Variants in TC2N observed in about 807,000 individuals in gnomAD.
The protein encoded by TC2N is tandem C2 domains, nuclear.
In TC2N, 51 loss-of-function variants were observed where a neutral mutation model predicts 61.9. The ratio of observed to expected loss-of-function variants is 0.82; its 90% CI spans 0.66 to 1.04. TC2N has a LOEUF of 1.04. Among genes scored for constraint, TC2N ranks in the 50% least tolerant of loss-of-function variants. The pLI, the probability that TC2N is intolerant of heterozygous loss-of-function variation, is 0.00. For missense variants in TC2N, 556 were observed against 566.7 expected, an observed-to-expected ratio of 0.98 and a Z score of 0.19; for synonymous variants, 204 against 192.6, an observed-to-expected ratio of 1.06 and a Z score of -0.49.
intron 1 of TC2N, among the ~76,000 whole-genome samples, chr14:91,859,926 A>G (rs12886234): frequency 0.55 from 83,883 of 152,016 alleles, 25,072 homozygotes; most frequent in Non-Finnish European, 0.65. Flanking sequence ...GGAAAGTGGT[A>G]GGAGCTGGAA....
intron 1 of TC2N, among the ~76,000 whole-genome samples, chr14:91,853,644 T>A (rs1240385370): frequency 1.1e-5 from 1 of 90,702 alleles, no homozygotes. Flanking sequence ...TTTTTTTTTT[T>A]AAAGTACACA....
chr14:91,834,052 C>G (rs529379462), intron 1 of TC2N, among the ~76,000 whole-genome samples: 1 of 152,314 alleles, frequency 6.6e-6, no homozygotes, highest in East Asian at 1.9e-4. Context: ...GTATGCCTCA[C>G]AGATTCTGCT....
At chr14:91,791,485 A>G (rs74848374) in intron 9 of TC2N, among the ~76,000 whole-genome samples, 2,257 of 152,324 alleles carry the variant, frequency 0.015, 58 homozygotes, top group African/African-American at 0.052. Flanking sequence ...TTCAATCTAT[A>G]CAATTTAATT....
At chr14:91,839,675 T>C (rs906447921) in intron 1 of TC2N, among the ~76,000 whole-genome samples, 2 of 152,238 alleles carry the variant, frequency 1.3e-5, no homozygotes, top group African/African-American at 2.4e-5. Context: ...CATGAATACA[T>C]TGGGGGTACC....
chr14:91,791,205 GAAGA>G (rs1344378195), intron 9 of TC2N, among the ~76,000 whole-genome samples: 2 of 73,506 alleles, frequency 2.7e-5, no homozygotes, highest in East Asian at 4.8e-4. Context: ...GGGGAGGGGA[GAAGA>G]GGGGAGGGGA....
At chr14:91,847,259 GA>G (rs34551265) in intron 1 of TC2N, among the ~76,000 whole-genome samples, 286 of 126,944 alleles carry the variant, frequency 2.3e-3, no homozygotes, top group African/African-American at 4.2e-3. Context: ...CTCCATCTCA[GA>G]AAAAAAAAAA....
intron 1 of TC2N, among the ~76,000 whole-genome samples, chr14:91,835,083 T>C (rs753671826): frequency 6.6e-6 from 1 of 152,240 alleles, no homozygotes; most frequent in Non-Finnish European, 1.5e-5. Flanking sequence ...ATATTAGTTT[T>C]ATTCGTAAAT....
At chr14:91,803,447 A>T (rs1040376100) in intron 3 of TC2N, among the ~76,000 whole-genome samples, 31 of 149,292 alleles carry the variant, frequency 2.1e-4, no homozygotes, top group African/African-American at 6.9e-4. Flanking sequence ...ATATAATTTT[A>T]TTTATTTATT....
chr14:91,819,449 GAC>G (rs1475199772), intron 1 of TC2N, among the ~76,000 whole-genome samples: 2 of 152,094 alleles, frequency 1.3e-5, no homozygotes, highest in African/African-American at 4.8e-5. Context: ...CCTAGAATTT[GAC>G]ACTCAGAGAA....
intron 1 of TC2N, among the ~76,000 whole-genome samples, chr14:91,848,764 C>T (rs1888317003): frequency 6.6e-6 from 1 of 152,174 alleles, no homozygotes; most frequent in Admixed American, 6.5e-5. Context: ...AGTTTCTGTA[C>T]TCTTACTCCT....
Position 91,785,156 on chromosome 14 carries a change from A to C in TC2N, c.1362+6T>G. 6.2e-7 allele frequency: 1 copy of C among 1,604,384 alleles called. No homozygotes were observed. Among genetic ancestry groups the C allele is most frequent in the Non-Finnish European group, 8.5e-7 (1 of 1,172,518 alleles). On this transcript the variant is annotated splice_donor_region_variant and intron_variant, in intron 11 of 11. Coordinates refer to ENST00000435962, the MANE Select transcript of TC2N (RefSeq NM_001128596.3). ...AATATAAGGAAGGATAAAAACTCCTACTAACCTGGCCCACAAAGTGTTTTC... is the reference window on the plus strand; with the variant it reads ...AATATAAGGAAGGATAAAAACTCCTCCTAACCTGGCCCACAAAGTGTTTTC...
chr14:91,842,081 C>A (rs546336806), intron 1 of TC2N, among the ~76,000 whole-genome samples: 1 of 151,232 alleles, frequency 6.6e-6, no homozygotes, highest in African/African-American at 2.4e-5. Context: ...ATCCCAGCCT[C>A]CTGAGTAGCT....
intron 1 of TC2N, among the ~76,000 whole-genome samples, chr14:91,848,897 T>C (rs10150567): frequency 0.039 from 5,979 of 152,252 alleles, 329 homozygotes; most frequent in African/African-American, 0.12. Flanking sequence ...TTCACCGCTT[T>C]GGGCCATCTG....
intron 1 of TC2N, among the ~76,000 whole-genome samples, chr14:91,825,814 T>C (rs1192120067): frequency 6.6e-6 from 1 of 152,234 alleles, no homozygotes; most frequent in African/African-American, 2.4e-5. Flanking sequence ...ATCTGTCTTA[T>C]TCTTTTGTTT....
At chr14:91,855,848 T>C (rs1888473136) in intron 1 of TC2N, among the ~76,000 whole-genome samples, 2 of 151,992 alleles carry the variant, frequency 1.3e-5, no homozygotes, top group African/African-American at 4.8e-5. Flanking sequence ...AGTGCCGAGG[T>C]TGGAGTCAGA....
intron 10 of TC2N, among the ~76,000 whole-genome samples, chr14:91,786,438 T>C (rs1050213200): frequency 6.6e-6 from 1 of 152,214 alleles, no homozygotes; most frequent in Non-Finnish European, 1.5e-5. Context: ...ACAGCTTATA[T>C]ACAACAGAAA....
At chr14:91,808,780 T>C (rs1331025184) in intron 3 of TC2N, among the ~76,000 whole-genome samples, 2 of 152,150 alleles carry the variant, frequency 1.3e-5, no homozygotes, top group Admixed American at 6.5e-5. Flanking sequence ...TTACCTTTTT[T>C]CTGATTATGA....
At chr14:91,841,668 C>G (rs1352826882) in intron 1 of TC2N, among the ~76,000 whole-genome samples, 2 of 152,210 alleles carry the variant, frequency 1.3e-5, no homozygotes, top group East Asian at 1.9e-4. Flanking sequence ...CACAGCCCCC[C>G]TCCTGGGTAC....
rs928617065 is a variant in TC2N, at chr14:91,867,420, T to C, written c.-215A>G. On this transcript the variant is annotated 5_prime_UTR_variant, in exon 1 of 12. Transcript: ENST00000435962. The stretch of plus-strand genomic sequence containing the variant: ...ACTGCTGCCTTCTGGCCTTTGCTTT[T>C]CGGAGCCGAGCTGAGTGAGTCCCAA... 6.6e-6 allele frequency: 1 copy of C among 152,310 alleles called. No individual in the cohort carries two copies. Among genetic ancestry groups the C allele is most frequent in the East Asian group, 1.9e-4 (1 of 5,172 alleles). The allele number at this position is 152,310 out of a possible 1,614,324, so 9.4% of individuals were successfully genotyped here. A position where few individuals can be genotyped will look rare whatever the true frequency, so the allele number is the denominator to read the frequency against.
Sources: gnomAD v4.1 joint callset for allele counts (sites outside exome capture counted in the v4.1 genomes callset) on GRCh38, gnomAD v4.1.1 for gene constraint, MANE v1.5 for transcripts, NCBI Gene and HGNC (gene_info 2026-07-23, HGNC 2026-07-21) for gene names.